The following KIAA0825 variants were observed in gnomAD, a reference collection of about 807,000 sequenced individuals.
KIAA0825 encodes uncharacterized protein KIAA0825.
KIAA0825 carries 119 observed loss-of-function variants against 147.6 expected under a neutral mutation model. The ratio of observed to expected loss-of-function variants is 0.81; its 90% CI spans 0.69 to 0.94. The LOEUF (loss-of-function observed/expected upper bound fraction) is 0.94, where lower values mean the gene tolerates loss of function less well. KIAA0825 is among the 40% of genes least tolerant of loss of function. The probability of loss-of-function intolerance (pLI) is 0.00; values close to 1 mark genes in which losing one functional copy is unlikely to be tolerated. For missense variants in KIAA0825, 1,381 were observed against 1,472.7 expected (o/e 0.94, Z 1.02); for synonymous variants, 470 against 518.1 (o/e 0.91, Z 1.26).
intron 5 of KIAA0825, among the ~76,000 whole-genome samples, chr5:94,505,126 G>A (rs1043603150): frequency 1.3e-5 from 2 of 151,858 alleles, no homozygotes; most frequent in Non-Finnish European, 2.9e-5. Flanking sequence ...TTGGGAGGCT[G>A]AAGTGGGTGG....
intron 20 of KIAA0825, among the ~76,000 whole-genome samples, chr5:94,226,078 C>A (rs1425379678): frequency 6.6e-6 from 1 of 152,168 alleles, no homozygotes; most frequent in Non-Finnish European, 1.5e-5. Flanking sequence ...GAACAGGCAA[C>A]CTACAGAATG....
At chr5:94,206,012 T>G (rs1404543542) in intron 20 of KIAA0825, among the ~76,000 whole-genome samples, 1 of 152,200 alleles carries the variant, frequency 6.6e-6, no homozygotes, top group Admixed American at 6.5e-5. Flanking sequence ...TCTTCAGAAA[T>G]AGTAATTTTG....
chr5:94,530,831 G>T (rs983464174), intron 3 of KIAA0825, among the ~76,000 whole-genome samples: 6 of 152,150 alleles, frequency 3.9e-5, no homozygotes, highest in African/African-American at 1.4e-4. Flanking sequence ...TACATCAAGG[G>T]TCGGGGCTTA....
At chr5:94,607,433 G>A (rs1342877182) in intron 1 of KIAA0825, among the ~76,000 whole-genome samples, 1 of 101,322 alleles carries the variant, frequency 9.9e-6, no homozygotes, top group Non-Finnish European at 2.1e-5. Flanking sequence ...GACCAGCCTG[G>A]CCAACCCTCT....
intron 5 of KIAA0825, among the ~76,000 whole-genome samples, chr5:94,491,578 G>T (rs1409053450): frequency 1.3e-5 from 2 of 152,198 alleles, no homozygotes; most frequent in East Asian, 3.9e-4. Flanking sequence ...CTAGTAGCTA[G>T]AAAATCATGG....
chr5:94,486,410 A>G (rs1763064429), intron 5 of KIAA0825, among the ~76,000 whole-genome samples: 2 of 152,120 alleles, frequency 1.3e-5, no homozygotes, highest in African/African-American at 4.8e-5. Context: ...TTAAAATGTT[A>G]GCATCAAACT....
intron 20 of KIAA0825, among the ~76,000 whole-genome samples, chr5:94,328,301 T>C (rs558950356): frequency 2.0e-5 from 3 of 152,332 alleles, no homozygotes; most frequent in Admixed American, 2.0e-4. Flanking sequence ...AAAAATGTTA[T>C]GTAAGAAAGT....
intron 5 of KIAA0825, among the ~76,000 whole-genome samples, chr5:94,493,275 A>C (rs573144811): frequency 1.3e-5 from 2 of 152,326 alleles, no homozygotes; most frequent in Non-Finnish European, 2.9e-5. Flanking sequence ...TAAATATCTT[A>C]ACACATTTAC....
chr5:94,168,685 T>G (rs919343955), intron 20 of KIAA0825, among the ~76,000 whole-genome samples: 11 of 152,198 alleles, frequency 7.2e-5, no homozygotes, highest in Non-Finnish European at 1.5e-4. Flanking sequence ...GGTCATACTA[T>G]TTGTCCAGCA....
intron 1 of KIAA0825, among the ~76,000 whole-genome samples, chr5:94,587,813 A>AACCAAAACAGCATGCTACTGGT: frequency 6.6e-6 from 1 of 152,326 alleles, no homozygotes; most frequent in South Asian, 2.1e-4. Flanking sequence ...AGGCTACAGT[A>AACCAAAACAGCATGCTACTGGT]ACCAAAACAG....
At chr5:94,424,295 C>G (rs1294757302) in intron 14 of KIAA0825, among the ~76,000 whole-genome samples, 1 of 152,018 alleles carries the variant, frequency 6.6e-6, no homozygotes, top group African/African-American at 2.4e-5. Context: ...GAAGCCAAAA[C>G]AGGTCTCAAC....
At chr5:94,487,726 C>T (rs1380348385) in intron 5 of KIAA0825, among the ~76,000 whole-genome samples, 1 of 152,050 alleles carries the variant, frequency 6.6e-6, no homozygotes, top group Non-Finnish European at 1.5e-5. Flanking sequence ...CTCCAGAAAA[C>T]ATTATCTGCC....
intron 20 of KIAA0825, among the ~76,000 whole-genome samples, chr5:94,249,481 A>G (rs761927841): frequency 1.3e-5 from 2 of 152,100 alleles, no homozygotes; most frequent in Non-Finnish European, 2.9e-5. Context: ...TAAGAATTTC[A>G]TGGTAGTGAC....
intron 5 of KIAA0825, among the ~76,000 whole-genome samples, chr5:94,488,072 C>T (rs1219800777): frequency 2.6e-5 from 4 of 152,166 alleles, no homozygotes; most frequent in Non-Finnish European, 4.4e-5. Context: ...TACAGGCATC[C>T]GCCACCAAAC....
intron 13 of KIAA0825, among the ~76,000 whole-genome samples, chr5:94,440,423 T>TA (rs1345879302): frequency 6.6e-6 from 1 of 152,214 alleles, no homozygotes; most frequent in East Asian, 1.9e-4. Flanking sequence ...AAAAATTACT[T>TA]ATGCATTTTT....
intron 5 of KIAA0825, among the ~76,000 whole-genome samples, chr5:94,489,288 T>C (rs1282638686): frequency 1.3e-5 from 2 of 152,178 alleles, no homozygotes; most frequent in Non-Finnish European, 2.9e-5. Flanking sequence ...CAGGGCAGTA[T>C]GGTTCAGGAT....
intron 20 of KIAA0825, among the ~76,000 whole-genome samples, chr5:94,259,510 C>T (rs1776393017): frequency 6.6e-6 from 1 of 152,014 alleles, no homozygotes; most frequent in African/African-American, 2.4e-5. Context: ...GGAGACTTAA[C>T]ATGCTTGCCT....
chr5:94,612,728 A>T (rs1307130022), intron 1 of KIAA0825, among the ~76,000 whole-genome samples: 1 of 152,190 alleles, frequency 6.6e-6, no homozygotes, highest in Non-Finnish European at 1.5e-5. Context: ...ATAATGAAAC[A>T]GTGGAAAAGT....
chr5:94,591,492 A>G (rs771986116), intron 1 of KIAA0825, among the ~76,000 whole-genome samples: 1 of 152,244 alleles, frequency 6.6e-6, no homozygotes, highest in Admixed American at 6.5e-5. Context: ...GTACCCCCCA[A>G]AAAAGCCTGC....
Sources: allele counts gnomAD v4.1 joint callset (sites outside exome capture counted in the v4.1 genomes callset), GRCh38; gene constraint gnomAD v4.1.1; transcripts MANE v1.5; gene names NCBI Gene and HGNC (gene_info 2026-07-23, HGNC 2026-07-21).